Variants in SGIP1 observed in about 807,000 individuals in gnomAD.
SGIP1 encodes the protein SH3-containing GRB2-like protein 3-interacting protein 1.
SGIP1 carries 38 observed loss-of-function variants against 107.5 expected under a neutral mutation model. The observed-to-expected ratio is 0.35, with a 90% CI of 0.27 to 0.46. The LOEUF (loss-of-function observed/expected upper bound fraction) is 0.46, where lower values mean the gene tolerates loss of function less well. Among genes scored for constraint, SGIP1 ranks in the 20% least tolerant of loss-of-function variants. SGIP1 has a pLI of 1.00. For synonymous variants in SGIP1, 365 were observed against 366.1 expected (o/e 1.00, Z 0.03); for missense variants, 929 against 1,019.5 (o/e 0.91, Z 1.21).
Position 66,539,205 on chromosome 1 carries a change from T to C in SGIP1, c.10+4837T>C, listed in dbSNP as rs543636502. ...GCTCATGTGTCTGAGTAAGTCCCAT[T>C]TGGAGAAATTAACTGAATAAGAAAG... is the stretch of plus-strand genomic sequence containing the variant. On this transcript the variant is annotated intron_variant, in intron 1 of 24. Coordinates refer to ENST00000371037, the MANE Select transcript of SGIP1 (RefSeq NM_032291.4). 8.0e-4 allele frequency among the ~76,000 whole-genome samples: 122 copies of C among 152,172 alleles called. No homozygotes were observed. In the South Asian group the frequency reaches 0.016, roughly 20 times the overall value.
chr1:66,714,095 AATAAT>A (rs1283239196), intron 18 of SGIP1, among the ~76,000 whole-genome samples: 1 of 152,164 alleles, frequency 6.6e-6, no homozygotes, highest in Non-Finnish European at 1.5e-5. Flanking sequence ...CAACAAAAAC[AATAAT>A]ATTAGTCATA....
intron 22 of SGIP1, among the ~76,000 whole-genome samples, chr1:66,740,132 T>C (rs916226051): frequency 1.3e-5 from 2 of 152,238 alleles, no homozygotes; most frequent in African/African-American, 4.8e-5. Context: ...CTGAGAAATG[T>C]AGTGTTTCAT....
chr1:66,701,191 A>G (rs1025165839), intron 18 of SGIP1, among the ~76,000 whole-genome samples: 1 of 152,172 alleles, frequency 6.6e-6, no homozygotes, highest in Non-Finnish European at 1.5e-5. Context: ...AAAGATACTA[A>G]TTCATTCATT....
intron 21 of SGIP1, among the ~76,000 whole-genome samples, chr1:66,736,396 G>T (rs2094246511): frequency 5.6e-4 from 2 of 3,570 alleles, no homozygotes; most frequent in African/African-American, 6.1e-4. Context: ...TAATATATGT[G>T]AATATATTAT....
At chr1:66,537,724 A>T (rs1017069869) in intron 1 of SGIP1, among the ~76,000 whole-genome samples, 3 of 152,120 alleles carry the variant, frequency 2.0e-5, no homozygotes. Flanking sequence ...GGATAATTTA[A>T]TATATTTTAT....
At chr1:66,683,727 T>C (rs2087448837) in intron 15 of SGIP1, among the ~76,000 whole-genome samples, 1 of 118,710 alleles carries the variant, frequency 8.4e-6, no homozygotes. Context: ...TTTTTTTTTT[T>C]TGACAAGGTC....
chr1:66,654,688 T>C (rs1003907167), intron 7 of SGIP1, among the ~76,000 whole-genome samples: 1 of 152,212 alleles, frequency 6.6e-6, no homozygotes, highest in Non-Finnish European at 1.5e-5. Context: ...AAAAAATTTT[T>C]CCTCAAAGAC....
intron 21 of SGIP1, among the ~76,000 whole-genome samples, chr1:66,738,946 G>A (rs555816962): frequency 8.5e-5 from 13 of 152,114 alleles, no homozygotes; most frequent in South Asian, 2.1e-4. Context: ...CCCATTTAGC[G>A]GATGAGGGAA....
Position 66,676,991 on chromosome 1 carries a change from T to C in SGIP1, c.647-13T>C, listed in dbSNP as rs760148967. 24 of 1,595,778 alleles carry C rather than the reference T, an allele frequency of 1.5e-5. 2 individuals carry two copies. In the South Asian group the frequency reaches 2.5e-4, roughly 17 times the overall value. On this transcript the variant is annotated splice_polypyrimidine_tract_variant and intron_variant, in intron 12 of 24. Coordinates refer to ENST00000371037, the MANE Select transcript of SGIP1 (RefSeq NM_032291.4). ...TTTAACTCACCCTGGGAAATCTTCT[T>C]TTTTGTTTCCAGTTCTTTTAGATCA...
intron 7 of SGIP1, among the ~76,000 whole-genome samples, chr1:66,654,423 GT>G (rs1233390190): frequency 6.6e-6 from 1 of 151,970 alleles, no homozygotes; most frequent in African/African-American, 2.4e-5. Flanking sequence ...TCATTTAGTT[GT>G]CTTCAACCTT....
At chr1:66,630,849 A>AGAGAG (rs1558133224) in intron 2 of SGIP1, among the ~76,000 whole-genome samples, 5 of 29,312 alleles carry the variant, frequency 1.7e-4, no homozygotes, top group East Asian at 4.5e-3. Context: ...GAAAGAAAGA[A>AGAGAG]AGAAAGAAAG....
chr1:66,589,270 A>G (rs1033881932), intron 1 of SGIP1, among the ~76,000 whole-genome samples: 3 of 140,090 alleles, frequency 2.1e-5, no homozygotes, highest in African/African-American at 7.7e-5. Flanking sequence ...CTCATGACTT[A>G]AATGGAAAAA....
chr1:66,671,856 A>G, intron 10 of SGIP1, 88 bp from the exon 11 acceptor site: 1 of 1,291,222 alleles, frequency 7.7e-7, no homozygotes. Flanking sequence ...TGGGACTTAA[A>G]TCTCTAAGTG....
intron 1 of SGIP1, among the ~76,000 whole-genome samples, chr1:66,607,730 G>C (rs12041930): frequency 0.16 from 24,064 of 152,208 alleles, 2,115 homozygotes; most frequent in East Asian, 0.31. Flanking sequence ...ATATGCTTTA[G>C]AGGTGAAGCC....
At chr1:66,568,507 C>T in intron 1 of SGIP1, among the ~76,000 whole-genome samples, 1 of 151,954 alleles carries the variant, frequency 6.6e-6, no homozygotes, top group African/African-American at 2.4e-5. Flanking sequence ...GCCTGATTGC[C>T]CTGGCTTGAA....
chr1:66,552,199 G>A (rs1292762053), intron 1 of SGIP1, among the ~76,000 whole-genome samples: 1 of 152,124 alleles, frequency 6.6e-6, no homozygotes, highest in Non-Finnish European at 1.5e-5. Flanking sequence ...CTTGTCATGA[G>A]CGGAGACTTT....
At chr1:66,641,560 C>T (rs1451001193) in intron 5 of SGIP1, among the ~76,000 whole-genome samples, 1 of 152,116 alleles carries the variant, frequency 6.6e-6, no homozygotes, top group African/African-American at 2.4e-5. Context: ...CTAGATCTGA[C>T]ATTTGTTGGG....
At chr1:66,679,815 C>T in intron 14 of SGIP1, 63 bp downstream of exon 14, 3 of 1,425,316 alleles carry the variant, frequency 2.1e-6, no homozygotes, top group Admixed American at 2.7e-5. Flanking sequence ...CCCGGATGAA[C>T]ATGCCCTTGA....
intron 2 of SGIP1, among the ~76,000 whole-genome samples, chr1:66,631,046 A>AGAAG (rs2074469703): frequency 3.0e-5 from 1 of 33,246 alleles, no homozygotes; most frequent in African/African-American, 9.4e-5. Flanking sequence ...GAAGAAAGGA[A>AGAAG]GAAAGAAAGA....
Sources: gnomAD v4.1 joint callset for allele counts (sites outside exome capture counted in the v4.1 genomes callset) on GRCh38, gnomAD v4.1.1 for gene constraint, MANE v1.5 for transcripts, NCBI Gene and HGNC (gene_info 2026-07-23, HGNC 2026-07-21) for gene names.